SLC39A14: variants seen among roughly 807,000 people sequenced by gnomAD.
The protein encoded by SLC39A14 is metal cation symporter ZIP14.
Under a neutral mutation model 45.5 loss-of-function variants are expected in SLC39A14, and 19 were observed. The ratio of observed to expected loss-of-function variants is 0.42; its 90% CI spans 0.29 to 0.61. SLC39A14 has a LOEUF of 0.61. SLC39A14 is among the 20% of genes least tolerant of loss of function. The pLI, the probability that SLC39A14 is intolerant of heterozygous loss-of-function variation, is 0.22. For synonymous variants in SLC39A14, 264 were observed against 251.3 expected (o/e 1.05, Z -0.48); for missense variants, 447 against 616.5 (o/e 0.73, Z 2.91).
chr8:22,379,549 T>C (rs961786403), intron 1 of SLC39A14: 3 of 152,254 alleles, frequency 2.0e-5, no homozygotes, highest in Non-Finnish European at 4.4e-5. Context: ...CCCTGTGTCC[T>C]TAAGATCCAG....
chr8:22,423,812 CA>C (rs1836334212), downstream of SLC39A14, among the ~76,000 whole-genome samples: 29 of 138,746 alleles, frequency 2.1e-4, no homozygotes, highest in South Asian at 6.5e-4. Context: ...CTCTCTCTCT[CA>C]TCTATCTTCC....
At chr8:22,370,337 C>T (rs918589451) in intron 1 of SLC39A14, among the ~76,000 whole-genome samples, 1 of 152,206 alleles carries the variant, frequency 6.6e-6, no homozygotes, top group African/African-American at 2.4e-5. Context: ...ATGGGGTTTA[C>T]ACAGTAGTGT....
At chr8:22,409,895 T>C (rs764497177) in intron 3 of SLC39A14, 5 of 1,600,588 alleles carry the variant, frequency 3.1e-6, no homozygotes, top group Admixed American at 1.7e-5. Context: ...GCAGCAGGAG[T>C]GTCCCCACCC....
At chr8:22,431,351 C>T (rs1164189248) in intron 8 of SLC39A14, among the ~76,000 whole-genome samples, 1 of 152,174 alleles carries the variant, frequency 6.6e-6, no homozygotes, top group Non-Finnish European at 1.5e-5. Flanking sequence ...TTTTGTGTAG[C>T]TATTTTAGAA....
intron 3 of SLC39A14, among the ~76,000 whole-genome samples, chr8:22,410,420 A>G (rs558902209): frequency 2.6e-5 from 4 of 152,330 alleles, no homozygotes; most frequent in Non-Finnish European, 4.4e-5. Flanking sequence ...AGCAGCAGCT[A>G]TCGACTGCCG....
Position 22,417,769 on chromosome 8 carries a change from C to A in SLC39A14, c.1266C>A (p.His422Gln), listed in dbSNP as rs1318720059. The A allele has an allele frequency of 6.2e-7, 1 of 1,614,216 alleles. No homozygotes were observed. The highest frequency in any genetic ancestry group is 8.5e-7 in the Non-Finnish European group (1 of 1,180,050). ...GLAFGILAGSHFSANWIFALA... is the reference protein window; with the variant it reads ...GLAFGILAGSQFSANWIFALA... The stretch of plus-strand genomic sequence containing the variant: ...CCTTTGGCATCCTGGCCGGCAGCCA[C>A]TTCTCTGCCAACTGGATTTTTGCGC... Residue 422 changes from histidine (H) to glutamine (Q), a missense_variant, in exon 8 of 9, where the codon CAC (histidine) becomes CAA (glutamine). Physicochemically the swap from His to Gln is conservative, Grantham distance 24. Transcript: ENST00000381237.
At chr8:22,425,889 G>T (rs4872491), downstream of SLC39A14, among the ~76,000 whole-genome samples, 2,422 of 75,766 alleles carry the variant, frequency 0.032, 58 homozygotes, top group South Asian at 0.072. Flanking sequence ...GATGGTTTTT[G>T]TTTTTTTTTT....
downstream of SLC39A14, among the ~76,000 whole-genome samples, chr8:22,425,900 GT>G (rs201657706): frequency 6.6e-5 from 6 of 91,042 alleles, no homozygotes; most frequent in East Asian, 1.1e-3. Context: ...TTTTTTTTTT[GT>G]TTTTTTTTGA....
intron 1 of SLC39A14, among the ~76,000 whole-genome samples, chr8:22,387,104 T>G (rs1285462893): frequency 6.7e-6 from 1 of 149,596 alleles, no homozygotes; most frequent in African/African-American, 2.5e-5. Flanking sequence ...GTCCGGGAGG[T>G]CAAGGCTGCA....
At chr8:22,429,963 C>T (rs373705870) in intron 8 of SLC39A14, among the ~76,000 whole-genome samples, 31 of 152,240 alleles carry the variant, frequency 2.0e-4, no homozygotes, top group Admixed American at 3.3e-4. Flanking sequence ...GCCAAAGGGC[C>T]GGCCAACGCA....
intron 1 of SLC39A14, chr8:22,393,374 T>TCTGA (rs879453386): frequency 0.04 from 13,688 of 345,122 alleles, 399 homozygotes; most frequent in Non-Finnish European, 0.05. Flanking sequence ...TCAGCCTAGG[T>TCTGA]CAGCTTGTCT....
intron 5 of SLC39A14, 22 bp downstream of exon 5, chr8:22,414,924 A>AG: frequency 6.2e-7 from 1 of 1,609,474 alleles, no homozygotes; most frequent in Non-Finnish European, 8.5e-7. Context: ...TTGTTGCTGA[A>AG]GAAAGCTCTT....
chr8:22,395,920 T>A (rs777404596), intron 1 of SLC39A14, among the ~76,000 whole-genome samples: 2 of 152,044 alleles, frequency 1.3e-5, no homozygotes, highest in Non-Finnish European at 2.9e-5. Context: ...GCTCCAGGAG[T>A]GCTAAGGACT....
intron 1 of SLC39A14, among the ~76,000 whole-genome samples, chr8:22,402,108 G>A (rs192772050): frequency 6.6e-6 from 1 of 152,136 alleles, no homozygotes; most frequent in East Asian, 1.9e-4. Context: ...TAGGCTGGGC[G>A]CAGTAGCTCA....
In SLC39A14 at chr8:22,367,398, C is replaced by T. The variant is rs1832694858; in HGVS notation, c.-26C>T. 6.6e-6 allele frequency: 1 copy of T among 152,152 alleles called. No individual in the cohort carries two copies. The highest frequency in any genetic ancestry group is 2.4e-5 in the African/African-American group (1 of 41,426). 9.4% of individuals were successfully genotyped at this position (152,152 alleles called of 1,614,324 possible). A position where few individuals can be genotyped will look rare whatever the true frequency, so the allele number is the denominator to read the frequency against. On this transcript the variant is annotated 5_prime_UTR_variant, in exon 1 of 9. Coordinates refer to ENST00000381237, the MANE Select transcript of SLC39A14 (RefSeq NM_001128431.4). The surrounding 1 kb of genome is among the most constrained non-coding windows in gnomAD (Gnocchi z 4.2). ...AGGCTGCGCGGGGCCGAGGCCGCCT[C>T]CGAGCGCCAGGTGAGGGCGGGGACG... is the stretch of plus-strand genomic sequence containing the variant.
Position 22,421,339 on chromosome 8 carries a change from T to A in SLC39A14, c.*1641T>A, listed in dbSNP as rs1429586426. On this transcript the variant is annotated 3_prime_UTR_variant, in exon 9 of 9. Transcript: ENST00000381237. ...GAGACATCTGTCAAACCAGGAATAT[T>A]CTTGAAAAGAACGTGAGCAGGAAAA... The A allele has an allele frequency of 1.0e-6, 1 of 985,794 alleles. No individual in the cohort carries two copies. The highest frequency in any genetic ancestry group is 1.2e-6 in the Non-Finnish European group (1 of 829,952). The allele number at this position is 985,794 out of a possible 1,614,324, so 61.1% of individuals were successfully genotyped here.
At position 22,385,474 on chromosome 8, in the gene SLC39A14, C is replaced by T. The variant is rs373286961; in HGVS notation, c.-16+18066C>T. Among the ~76,000 whole-genome samples the T allele has an allele frequency of 6.6e-4, 100 of 152,192 alleles. 1 individual carries two copies. The East Asian group carries it at 0.012, about 18-fold the overall frequency. Reference sequence around the variant, plus strand: ...TTTTTTGTCCACATTGAAGAGGCGACGCTTGAACTGAGACCTGTTAGGAAG... The same window carrying T: ...TTTTTTGTCCACATTGAAGAGGCGATGCTTGAACTGAGACCTGTTAGGAAG... On this transcript the variant is annotated intron_variant, in intron 1 of 8. Coordinates refer to ENST00000381237, the MANE Select transcript of SLC39A14 (RefSeq NM_001128431.4).
intron 5 of SLC39A14, 156 bp from the exon 6 acceptor site, chr8:22,415,613 C>T (rs1359153056): frequency 6.1e-6 from 4 of 660,520 alleles, no homozygotes; most frequent in Non-Finnish European, 1.0e-5. Flanking sequence ...TATATAATAG[C>T]TTTTGCTATG....
chr8:22,423,822 C>CTCTCTCTCTCTCTCTCTCT (rs1836334959), downstream of SLC39A14, among the ~76,000 whole-genome samples: 1 of 148,286 alleles, frequency 6.7e-6, no homozygotes, highest in Non-Finnish European at 1.5e-5. Flanking sequence ...CATCTATCTT[C>CTCTCTCTCTCTCTCTCTCT]CTATGTAGAT....
Sources: gnomAD v4.1 joint callset for allele counts (sites outside exome capture counted in the v4.1 genomes callset) on GRCh38, gnomAD v4.1.1 for gene constraint, Gnocchi (gnomAD v3.1) non-coding constraint, MANE v1.5 for transcripts, NCBI Gene and HGNC (gene_info 2026-07-23, HGNC 2026-07-21) for gene names.